Variants in KHDC4 observed in about 807,000 individuals in gnomAD.
KHDC4 encodes the protein KH domain containing 4, pre-mRNA splicing factor, also known as KH homology domain-containing protein 4.
In KHDC4, 19 loss-of-function variants were observed where a neutral mutation model predicts 74.5. The ratio of observed to expected loss-of-function variants is 0.26; its 90% CI spans 0.18 to 0.37. The LOEUF (loss-of-function observed/expected upper bound fraction) is 0.37, where lower values mean the gene tolerates loss of function less well. Ranked by LOEUF, KHDC4 falls within the 10% of genes least tolerant of loss-of-function variation. The pLI, the probability that KHDC4 is intolerant of heterozygous loss-of-function variation, is 1.00. For missense variants in KHDC4, 632 were observed against 754.1 expected (o/e 0.84, Z 1.90); for synonymous variants, 253 against 266.1 (o/e 0.95, Z 0.48).
intron 9 of KHDC4, 29 bp from the exon 10 acceptor site, chr1:155,921,657 C>T (rs1033789265): frequency 1.8e-5 from 28 of 1,597,772 alleles, no homozygotes; most frequent in Non-Finnish European, 2.2e-5. Context: ...AGTGTTTAAT[C>T]AGCTGCAGCA....
intron 4 of KHDC4, among the ~76,000 whole-genome samples, chr1:155,929,048 T>C (rs2102608194): frequency 1.3e-5 from 2 of 152,150 alleles, no homozygotes; most frequent in Middle Eastern, 6.8e-3. Context: ...GTGGTTAGTA[T>C]CTTCTTTTAC....
Position 155,921,500 on chromosome 1 carries a change from G to A in KHDC4, c.1141C>T (p.Pro381Ser). The A allele has an allele frequency of 1.9e-6, 3 of 1,614,096 alleles. No individual in the cohort carries two copies. Among genetic ancestry groups the A allele is most frequent in the Non-Finnish European group, 2.5e-6 (3 of 1,180,014 alleles). ...GAAACAGCTGGTGGCACTATGCTTG[G>A]TACTCCGTAGGGAGGTTGAACTGGC... ...QQPVQPPYGV[P>S]SIVPPAVSLA... The change falls in exon 10 of 14, where the codon CCA becomes TCA. Residue 381 changes from proline (P) to serine (S), a missense_variant. Physicochemically the swap from Pro to Ser is moderately conservative, Grantham distance 74. Transcript: ENST00000368321.
In KHDC4 at chr1:155,929,752, G is replaced by A; in HGVS notation, c.344C>T (p.Thr115Ile). 6.2e-7 allele frequency: 1 copy of A among 1,612,750 alleles called. No homozygotes were observed. Among genetic ancestry groups the A allele is most frequent in the Non-Finnish European group, 8.5e-7 (1 of 1,179,526 alleles). Residue 115 changes from threonine (T) to isoleucine (I), a missense_variant, in exon 3 of 14, where the codon ACA becomes ATA. Around this residue, in one of 4 missense-constraint regions of KHDC4, gnomAD observed 233 missense variants for 342.6 expected, o/e 0.68. Transcript: ENST00000368321. Reference sequence around the variant, plus strand: ...TCCTCGAGTCAGCAAGTTCCTACATGTGAGAGGCACATCATTAATTTCTAC... The same window carrying A: ...TCCTCGAGTCAGCAAGTTCCTACATATGAGAGGCACATCATTAATTTCTAC... The part of the protein sequence containing the change: ...AEVEINDVPL[T>I]CRNLLTRGQT...
intron 7 of KHDC4, among the ~76,000 whole-genome samples, chr1:155,925,145 G>A (rs1217282329): frequency 6.6e-6 from 1 of 151,498 alleles, no homozygotes; most frequent in Non-Finnish European, 1.5e-5. Context: ...TCCTGCCTCA[G>A]CCTCCTGAGT....
intron 10 of KHDC4, among the ~76,000 whole-genome samples, chr1:155,920,252 A>ACG (rs4020746): frequency 1.0e-4 from 1 of 9,742 alleles, no homozygotes; most frequent in Non-Finnish European, 2.2e-3. Context: ...ATCCTGGCTA[A>ACG]CAGTGAAACC....
intron 10 of KHDC4, 85 bp from the exon 11 acceptor site, chr1:155,917,757 A>G (rs1557966279): frequency 3.6e-6 from 4 of 1,110,052 alleles, no homozygotes; most frequent in Non-Finnish European, 5.0e-6. Flanking sequence ...TACTTTAAGG[A>G]TCAATAAGTA....
intron 13 of KHDC4, 70 bp downstream of exon 13, chr1:155,915,803 G>T: frequency 9.6e-7 from 1 of 1,036,958 alleles, no homozygotes; most frequent in South Asian, 1.5e-5. Flanking sequence ...CACTGCGCCC[G>T]GCTGAGAAAA....
At position 155,934,355 on chromosome 1, in the gene KHDC4, T is replaced by C; in HGVS notation, c.19A>G (p.Thr7Ala). The C allele has an allele frequency of 6.2e-7, 1 of 1,611,242 alleles. No homozygotes were observed. Among genetic ancestry groups the C allele is most frequent in the South Asian group, 1.1e-5 (1 of 91,046 alleles). MSAGSA[T>A]HPGAGGRRSK... ...CCGTACCCGCCAGCTCCAGGATGTG[T>C]CGCGCTCCCCGCGGACATGGCGACC... is the stretch of plus-strand genomic sequence containing the variant. The change falls in exon 1 of 14, where the codon ACA (threonine) becomes GCA (alanine). Residue 7 changes from threonine (T) to alanine (A), a missense_variant. By Grantham distance (58) the Thr-to-Ala change is moderately conservative. Around this residue, in one of 4 missense-constraint regions of KHDC4, gnomAD observed 104 missense variants for 78.1 expected, o/e 1.33. Transcript: ENST00000368321.
At position 155,914,255 on chromosome 1, in the gene KHDC4, A is replaced by C. The variant is rs1441321923; in HGVS notation, c.1711T>G (p.Ser571Ala). The C allele has an allele frequency of 1.2e-6, 2 of 1,614,074 alleles. No homozygotes were observed. ...GFGLVAYAAD[S>A]SDEEEEHGGH... ...CCATGTTCCTCCTCTTCATCAGATG[A>C]ATCTGCAGCATAAGCCACCAAGCCA... Residue 571 changes from serine to alanine, a missense_variant, in exon 14 of 14, where the codon TCA (serine) becomes GCA (alanine). Physicochemically the swap from Ser to Ala is moderately conservative, Grantham distance 99. Transcript: ENST00000368321.
chr1:155,931,791 T>C (rs1674146875), intron 2 of KHDC4, among the ~76,000 whole-genome samples: 1 of 152,246 alleles, frequency 6.6e-6, no homozygotes, highest in African/African-American at 2.4e-5. Flanking sequence ...AATACATTTT[T>C]TAAATGTGGA....
intron 13 of KHDC4, 65 bp from the exon 14 acceptor site, chr1:155,914,385 T>G (rs1425463059): frequency 2.8e-5 from 36 of 1,277,428 alleles, no homozygotes; most frequent in Non-Finnish European, 3.3e-5. Context: ...ATACCATAAA[T>G]TCGTTAATTA....
chr1:155,913,961 GGTT>G lies in KHDC4; in HGVS notation c.*157_*159del, dbSNP rs3834092. On this transcript the variant is annotated 3_prime_UTR_variant, in exon 14 of 14. Transcript: ENST00000368321. ...CCACTGCAGAAATAAGGATTTTTGT[GGTT>G]GTTAAGGAACCCCTTTAAGAAAGGG... is the stretch of plus-strand genomic sequence containing the variant. 6 of 610,928 alleles carry G rather than the reference GGTT, an allele frequency of 9.8e-6. No individual in the cohort carries two copies. The highest frequency in any genetic ancestry group is 4.1e-5 in the South Asian group (2 of 48,368). 37.8% of individuals were successfully genotyped at this position (610,928 alleles called of 1,614,324 possible). A position where few individuals can be genotyped will look rare whatever the true frequency, so the allele number is the denominator to read the frequency against.
intron 7 of KHDC4, among the ~76,000 whole-genome samples, chr1:155,925,234 T>C (rs1174754986): frequency 1.3e-5 from 2 of 151,898 alleles, no homozygotes. Flanking sequence ...GGTTTCACCT[T>C]GTTAGCCAGG....
rs1290023206 is a variant in KHDC4 at position 155,926,784 on chromosome 1, T to C, written c.573A>G (p.Thr191=). ...IITNGVVKAA[T]GTSPTFNGAT... ...CACCATTAAAAGTTGGACTTGTTCC[T>C]GTGGCAGCTTTTACCACTCCATTGG... Residue 191 remains threonine, a synonymous_variant, in exon 6 of 14, where the codon ACA becomes ACG. Transcript: ENST00000368321. The C allele has an allele frequency of 1.2e-6, 2 of 1,614,106 alleles. No homozygotes were observed. The highest frequency in any genetic ancestry group is 2.7e-5 in the African/African-American group (2 of 74,944).
intron 2 of KHDC4, among the ~76,000 whole-genome samples, chr1:155,932,930 C>T (rs1387304693): frequency 6.6e-6 from 1 of 152,106 alleles, no homozygotes; most frequent in Non-Finnish European, 1.5e-5. Context: ...CAGAGTGAGA[C>T]TCTATCAAAA....
intron 11 of KHDC4, 55 bp downstream of exon 11, chr1:155,917,444 G>T: frequency 7.4e-7 from 1 of 1,347,626 alleles, no homozygotes; most frequent in South Asian, 1.2e-5. Flanking sequence ...TTTTTAAAGG[G>T]AGAATATAGT....
chr1:155,929,623 T>C, intron 3 of KHDC4, 89 bp downstream of exon 3: 2 of 1,436,140 alleles, frequency 1.4e-6, no homozygotes, highest in African/African-American at 1.4e-5. Flanking sequence ...CCAAACCCAC[T>C]AATAAATATC....
Position 155,921,415 on chromosome 1 carries a change from T to C in KHDC4, c.1226A>G (p.Tyr409Cys), listed in dbSNP as rs1311760945. 6.2e-7 allele frequency: 1 copy of C among 1,613,926 alleles called. No individual in the cohort carries two copies. Among genetic ancestry groups the C allele is most frequent in the Admixed American group, 1.7e-5 (1 of 59,984 alleles). ...TGGAGGCTGCACTTGTGTTATCGGG[T>C]ATTGTGTTGGCACAGGTGGGACTCC... ...PTGVPPVPTQ[Y>C]PITQVQPPAS... The change falls in exon 10 of 14, where the codon TAC becomes TGC. Residue 409 changes from tyrosine (Y) to cysteine (C), a missense_variant. Tyr to Cys is a radical substitution (Grantham distance 194). Coordinates refer to ENST00000368321, the MANE Select transcript of KHDC4 (RefSeq NM_014949.4).
chr1:155,919,754 T>C (rs1177507789), intron 10 of KHDC4, among the ~76,000 whole-genome samples: 2 of 152,074 alleles, frequency 1.3e-5, no homozygotes, highest in Non-Finnish European at 1.5e-5. Flanking sequence ...GAGCTTGCAG[T>C]GAGCCAAGAT....
Sources: gnomAD v4.1 joint callset for allele counts (sites outside exome capture counted in the v4.1 genomes callset) on GRCh38, gnomAD v4.1.1 for gene constraint, gnomAD v4.1.1 regional missense constraint, MANE v1.5 for transcripts, NCBI Gene and HGNC (gene_info 2026-07-23, HGNC 2026-07-21) for gene names.